The following SGCZ variants were observed in gnomAD, a reference collection of about 807,000 sequenced individuals.
SGCZ encodes zeta-sarcoglycan.
Under a neutral mutation model 41.3 loss-of-function variants are expected in SGCZ, and 40 were observed. The observed-to-expected ratio is 0.97, with a 90% CI of 0.75 to 1.26. The LOEUF is 1.26. SGCZ is among the 50% of genes most tolerant of loss of function. SGCZ has a pLI of 0.00. For missense variants in SGCZ, 552 were observed against 369.8 expected, an observed-to-expected ratio of 1.49 and a Z score of -4.04; for synonymous variants, 206 against 137.5, an observed-to-expected ratio of 1.50 and a Z score of -3.49.
chr8:14,895,005 T>A (rs1384054662), intron 1 of SGCZ, among the ~76,000 whole-genome samples: 1 of 152,156 alleles, frequency 6.6e-6, no homozygotes, highest in Non-Finnish European at 1.5e-5. Context: ...TGCTAAAGTT[T>A]GGGGGTCCAG....
At chr8:14,242,664 T>A (rs182443657) in intron 3 of SGCZ, among the ~76,000 whole-genome samples, 1 of 152,294 alleles carries the variant, frequency 6.6e-6, no homozygotes, top group East Asian at 1.9e-4. Context: ...TTACTACTAA[T>A]AATACTGGAT....
At chr8:14,122,021 G>C (rs1369889852) in intron 5 of SGCZ, among the ~76,000 whole-genome samples, 1 of 152,216 alleles carries the variant, frequency 6.6e-6, no homozygotes, top group African/African-American at 2.4e-5. Flanking sequence ...GCTCACGCCT[G>C]TAATCCCAGC....
At chr8:14,786,669 A>G in intron 1 of SGCZ, among the ~76,000 whole-genome samples, 1 of 152,228 alleles carries the variant, frequency 6.6e-6, no homozygotes, top group East Asian at 1.9e-4. Flanking sequence ...TATATAAACA[A>G]ACAGAAAGTC....
At chr8:14,610,454 G>A (rs1180067868) in intron 1 of SGCZ, among the ~76,000 whole-genome samples, 1 of 152,046 alleles carries the variant, frequency 6.6e-6, no homozygotes, top group Non-Finnish European at 1.5e-5. Flanking sequence ...GCCTCCTTTA[G>A]TTTAACCTAA....
chr8:14,358,929 G>A (rs1392210117), intron 2 of SGCZ, among the ~76,000 whole-genome samples: 1 of 151,970 alleles, frequency 6.6e-6, no homozygotes, highest in Non-Finnish European at 1.5e-5. Flanking sequence ...TTCTTTAAGG[G>A]CAAATAAAAA....
At chr8:14,912,029 C>G (rs2130778206) in intron 1 of SGCZ, among the ~76,000 whole-genome samples, 1 of 152,094 alleles carries the variant, frequency 6.6e-6, no homozygotes, top group Admixed American at 6.6e-5. Context: ...TGAAGAGTAG[C>G]TGCACTGACG....
intron 1 of SGCZ, among the ~76,000 whole-genome samples, chr8:15,043,994 T>C (rs1804207427): frequency 6.6e-6 from 1 of 152,100 alleles, no homozygotes; most frequent in Non-Finnish European, 1.5e-5. Context: ...CCTCCTCTCC[T>C]TCAATGCAGA....
intron 3 of SGCZ, among the ~76,000 whole-genome samples, chr8:14,307,723 AT>A (rs1187684988): frequency 2.0e-5 from 3 of 152,062 alleles, no homozygotes; most frequent in Non-Finnish European, 2.9e-5. Flanking sequence ...CAAAGTGGTG[AT>A]TTTTTTCATC....
chr8:14,378,128 T>G (rs1420287873), intron 2 of SGCZ, among the ~76,000 whole-genome samples: 1 of 150,298 alleles, frequency 6.7e-6, no homozygotes, highest in Non-Finnish European at 1.5e-5. Context: ...ATGGTTGAAC[T>G]AGTTTACAGT....
At chr8:15,206,118 T>G (rs1358592888) in intron 1 of SGCZ, among the ~76,000 whole-genome samples, 1 of 152,160 alleles carries the variant, frequency 6.6e-6, no homozygotes, top group Non-Finnish European at 1.5e-5. Context: ...ATCTGTAGAA[T>G]AAACCACCAT....
intron 4 of SGCZ, among the ~76,000 whole-genome samples, chr8:14,226,019 C>T (rs773304346): frequency 4.0e-5 from 6 of 151,834 alleles, no homozygotes; most frequent in Non-Finnish European, 5.9e-5. Flanking sequence ...TTGAAAAGGA[C>T]GATGGTATAA....
chr8:14,988,314 T>C (rs1331228959), intron 1 of SGCZ, among the ~76,000 whole-genome samples: 3 of 151,824 alleles, frequency 2.0e-5, no homozygotes, highest in Non-Finnish European at 2.9e-5. Flanking sequence ...TCACCCACAT[T>C]CCCCATCATA....
intron 4 of SGCZ, among the ~76,000 whole-genome samples, chr8:14,179,707 G>A (rs1291195227): frequency 6.6e-6 from 1 of 152,128 alleles, no homozygotes; most frequent in African/African-American, 2.4e-5. Flanking sequence ...TTCCCACTTG[G>A]GTAAGACATG....
chr8:14,605,380 T>C (rs976182732), intron 1 of SGCZ, among the ~76,000 whole-genome samples: 3 of 152,152 alleles, frequency 2.0e-5, no homozygotes, highest in Non-Finnish European at 1.5e-5. Context: ...ATCTATCATC[T>C]CAAGCATTTA....
At chr8:14,614,728 G>A (rs1005022930) in intron 1 of SGCZ, among the ~76,000 whole-genome samples, 2 of 152,004 alleles carry the variant, frequency 1.3e-5, no homozygotes, top group Admixed American at 1.3e-4. Flanking sequence ...GAGAACAAGA[G>A]ACTAATAAGT....
intron 2 of SGCZ, among the ~76,000 whole-genome samples, chr8:14,471,968 C>G (rs535280073): frequency 3.3e-5 from 5 of 151,828 alleles, no homozygotes; most frequent in African/African-American, 7.3e-5. Flanking sequence ...GCTGAATTTC[C>G]GAATCTCATT....
intron 4 of SGCZ, 147 bp from the exon 5 acceptor site, chr8:14,164,849 T>G (rs1804159817): frequency 1.9e-6 from 2 of 1,079,000 alleles, no homozygotes. Flanking sequence ...ATCTTTAAAT[T>G]GTCACCATTT....
intron 4 of SGCZ, among the ~76,000 whole-genome samples, chr8:14,205,059 C>A (rs1180935932): frequency 1.3e-5 from 2 of 152,156 alleles, no homozygotes; most frequent in African/African-American, 2.4e-5. Flanking sequence ...TCAAGTCTAT[C>A]TATACTATTG....
At chr8:14,662,893 C>T (rs2117487453) in intron 1 of SGCZ, among the ~76,000 whole-genome samples, 1 of 152,112 alleles carries the variant, frequency 6.6e-6, no homozygotes, top group Middle Eastern at 3.4e-3. Context: ...GAGTCATGAG[C>T]CAAGGGATGT....
Sources: allele counts gnomAD v4.1 joint callset (sites outside exome capture counted in the v4.1 genomes callset), GRCh38; gene constraint gnomAD v4.1.1; transcripts MANE v1.5; gene names NCBI Gene and HGNC (gene_info 2026-07-23, HGNC 2026-07-21).